The following CIRSR variants were observed in gnomAD, a reference collection of about 807,000 sequenced individuals.
CIRSR encodes CBF1 (RBPJ) interacting corepressor 1.
At chr2:174,384,339 T>C in the CIRSR span, among the ~76,000 whole-genome samples, 1 of 152,132 alleles carries the variant, frequency 6.6e-6, no homozygotes, top group Admixed American at 6.5e-5. Context: ...ACACAGAAAG[T>C]AGAATGGTGG....
chr2:174,365,786 G>A, the CIRSR span, among the ~76,000 whole-genome samples: 15 of 152,252 alleles, frequency 9.9e-5, no homozygotes, highest in African/African-American at 2.6e-4. Flanking sequence ...CCCACAACAC[G>A]TGGGGATTTA....
the CIRSR span, among the ~76,000 whole-genome samples, chr2:174,391,139 C>G: frequency 5.3e-5 from 8 of 152,058 alleles, no homozygotes; most frequent in African/African-American, 1.9e-4. Flanking sequence ...TAAGAAATTT[C>G]CAGTATTTTG....
the CIRSR span, chr2:174,348,997 T>C: frequency 6.3e-7 from 1 of 1,597,768 alleles, no homozygotes; most frequent in Non-Finnish European, 8.5e-7. Flanking sequence ...TTTTTTTCTT[T>C]ATTGTTACTC....
the CIRSR span, among the ~76,000 whole-genome samples, chr2:174,386,867 A>G: frequency 6.6e-6 from 1 of 152,142 alleles, no homozygotes; most frequent in Admixed American, 6.5e-5. Flanking sequence ...ATCAGTTATT[A>G]TATTTGGCCT....
chr2:174,363,154 G>A, the CIRSR span, among the ~76,000 whole-genome samples: 1 of 152,182 alleles, frequency 6.6e-6, no homozygotes, highest in African/African-American at 2.4e-5. Context: ...AAGCACATGT[G>A]AAGGTTACAG....
the CIRSR span, chr2:174,380,118 G>T: frequency 1.1e-6 from 1 of 923,786 alleles, no homozygotes; most frequent in Non-Finnish European, 1.6e-6. Context: ...CCCCTTTTCA[G>T]CTTAAACACC....
chr2:174,380,940 T>C, the CIRSR span: 305 of 749,018 alleles, frequency 4.1e-4, 1 homozygote, highest in Middle Eastern at 2.0e-3. Flanking sequence ...TTCATTGGTT[T>C]GACTTTTTTT....
chr2:174,364,180 T>C, the CIRSR span, among the ~76,000 whole-genome samples: 3 of 152,278 alleles, frequency 2.0e-5, no homozygotes, highest in East Asian at 1.9e-4. Flanking sequence ...ACAGGCTCCA[T>C]GCAAGTCCAA....
the CIRSR span, chr2:174,349,162 G>C: frequency 7.0e-7 from 1 of 1,438,246 alleles, no homozygotes; most frequent in African/African-American, 1.4e-5. Context: ...TTCTCCAGTC[G>C]ATCTAATTTC....
the CIRSR span, among the ~76,000 whole-genome samples, chr2:174,383,548 C>T: frequency 4.1e-3 from 624 of 151,498 alleles, 6 homozygotes; most frequent in African/African-American, 0.014. Flanking sequence ...GGTGAAACTC[C>T]GTCTCTACTA....
chr2:174,393,139 C>CA, the CIRSR span, among the ~76,000 whole-genome samples: 2,453 of 151,842 alleles, frequency 0.016, 81 homozygotes, highest in Middle Eastern at 0.058. Flanking sequence ...GAGAGTTTCA[C>CA]AAAAAAGGGA....
At chr2:174,395,684 C>G in the CIRSR span, 13 of 1,613,252 alleles carry the variant, frequency 8.1e-6, no homozygotes, top group African/African-American at 1.1e-4. Flanking sequence ...CAAACTCAGC[C>G]GCCTAACCGG....
At chr2:174,374,713 T>G in the CIRSR span, among the ~76,000 whole-genome samples, 1 of 152,238 alleles carries the variant, frequency 6.6e-6, no homozygotes, top group Non-Finnish European at 1.5e-5. Flanking sequence ...CCTCAGTCTG[T>G]GTGCTTAACC....
chr2:174,370,165 C>T, the CIRSR span, among the ~76,000 whole-genome samples: 44 of 152,202 alleles, frequency 2.9e-4, no homozygotes, highest in Non-Finnish European at 5.1e-4. Context: ...GGAGAGCTAG[C>T]ACTCCCAGCA....
the CIRSR span, among the ~76,000 whole-genome samples, chr2:174,356,531 A>AAAGGAAGGAAGGAAGGAAGGAAGG: frequency 2.1e-4 from 28 of 133,662 alleles, no homozygotes; most frequent in African/African-American, 8.5e-4. Flanking sequence ...AAGAAAGAAG[A>AAAGGAAGGAAGGAAGGAAGGAAGG]AAGGAAGGAA....
At chr2:174,353,350 C>T in the CIRSR span, among the ~76,000 whole-genome samples, 2 of 152,056 alleles carry the variant, frequency 1.3e-5, no homozygotes. Context: ...TTTAATGGCC[C>T]TTTAATTATT....
At chr2:174,368,071 T>G in the CIRSR span, among the ~76,000 whole-genome samples, 1 of 152,000 alleles carries the variant, frequency 6.6e-6, no homozygotes, top group African/African-American at 2.4e-5. Context: ...TCAAAATATA[T>G]GAGGCAAAAA....
At chr2:174,389,459 G>A in the CIRSR span, among the ~76,000 whole-genome samples, 3 of 152,156 alleles carry the variant, frequency 2.0e-5, no homozygotes, top group African/African-American at 7.2e-5. Context: ...ACTTGAGAGA[G>A]ATGACTTAAG....
the CIRSR span, among the ~76,000 whole-genome samples, chr2:174,379,970 G>A: frequency 2.0e-5 from 3 of 151,730 alleles, no homozygotes; most frequent in African/African-American, 7.3e-5. Flanking sequence ...TGATCCGCCC[G>A]CCTCGGCCTC....
Sources: allele counts gnomAD v4.1 joint callset (sites outside exome capture counted in the v4.1 genomes callset), GRCh38; gene constraint gnomAD v4.1.1; transcripts MANE v1.5; gene names NCBI Gene and HGNC (gene_info 2026-07-23, HGNC 2026-07-21).